SLC7A7: variants seen among roughly 807,000 people sequenced by gnomAD.
The protein encoded by SLC7A7 is solute carrier family 7 member 7, also known as Y+L amino acid transporter 1.
A neutral mutation model predicts 47.9 loss-of-function variants in SLC7A7; 39 were observed. The ratio of observed to expected loss-of-function variants is 0.81; its 90% confidence interval spans 0.63 to 1.06. SLC7A7 has a LOEUF of 1.06. SLC7A7 is among the 50% of genes least tolerant of loss of function. The pLI is 0.00. For missense variants in SLC7A7, 588 were observed against 632.0 expected, an observed-to-expected ratio of 0.93 and a Z score of 0.75; for synonymous variants, 234 against 242.8, an observed-to-expected ratio of 0.96 and a Z score of 0.34.
rs17277865 is a variant in SLC7A7 at position 22,776,465 on chromosome 14, C to G, written c.771-147G>C. 4 of 1,026,778 alleles carry G rather than the reference C, an allele frequency of 3.9e-6. No individual in the cohort carries two copies. In the African/African-American group the frequency reaches 6.3e-5, roughly 16 times the overall value. The allele number at this position is 1,026,778 out of a possible 1,614,324, so 63.6% of individuals were successfully genotyped here. A position where few individuals can be genotyped will look rare whatever the true frequency, so the allele number is the denominator to read the frequency against. ...CTCAATGCATTTGTCTTTGACGGTGCCCTGGATAGTGGCTGAAGCTCTGAA... is the reference window on the plus strand; with the variant it reads ...CTCAATGCATTTGTCTTTGACGGTGGCCTGGATAGTGGCTGAAGCTCTGAA... On this transcript the variant is annotated intron_variant, in intron 4 of 9. Coordinates refer to ENST00000674313, the MANE Select transcript of SLC7A7 (RefSeq NM_003982.4).
chr14:22,804,077 G>A (rs12146987), intron 2 of SLC7A7, among the ~76,000 whole-genome samples: 30,372 of 151,968 alleles, frequency 0.2, 3,508 homozygotes, highest in African/African-American at 0.31. Context: ...ACACCTTCTG[G>A]TCATTAGAAA....
chr14:22,809,176 G>C (rs1417919899), intron 2 of SLC7A7, among the ~76,000 whole-genome samples: 2 of 151,934 alleles, frequency 1.3e-5, no homozygotes, highest in African/African-American at 2.4e-5. Context: ...TATTCTTTTT[G>C]TTTTGTTTTG....
At chr14:22,795,766 C>T (rs1179912503) in intron 2 of SLC7A7, among the ~76,000 whole-genome samples, 1 of 152,132 alleles carries the variant, frequency 6.6e-6, no homozygotes, top group Non-Finnish European at 1.5e-5. Context: ...AGCCACCGTG[C>T]CCGGCCTTGT....
At chr14:22,818,005 T>A (rs754437194), upstream of SLC7A7, among the ~76,000 whole-genome samples, 17 of 150,962 alleles carry the variant, frequency 1.1e-4, no homozygotes, top group Non-Finnish European at 1.8e-4. Context: ...ATTGCTAGGG[T>A]GCCCACTTCT....
chr14:22,808,680 G>A (rs7148931), intron 2 of SLC7A7, among the ~76,000 whole-genome samples: 4,821 of 152,282 alleles, frequency 0.032, 267 homozygotes, highest in African/African-American at 0.11. Context: ...AACAGTGGCT[G>A]AAGGAATAAA....
At chr14:22,818,663 C>T (rs2039439048), upstream of SLC7A7, among the ~76,000 whole-genome samples, 1 of 147,722 alleles carries the variant, frequency 6.8e-6, no homozygotes, top group Admixed American at 6.9e-5. Context: ...AGTGCAGTGG[C>T]ACAATCTCTG....
At chr14:22,779,884 A>G (rs2038684867) in intron 3 of SLC7A7, 42 bp downstream of exon 3, 1 of 1,596,654 alleles carries the variant, frequency 6.3e-7, no homozygotes, top group South Asian at 1.1e-5. Context: ...GCTCACAGAA[A>G]ATGCTTAAAA....
intron 1 of SLC7A7, 91 bp downstream of exon 1, chr14:22,815,229 C>A: frequency 7.7e-6 from 3 of 388,170 alleles, no homozygotes; most frequent in South Asian, 3.8e-5. Flanking sequence ...GAGAGGCACT[C>A]GGGAGAAGAA....
intron 2 of SLC7A7, among the ~76,000 whole-genome samples, chr14:22,787,434 T>G (rs892622094): frequency 2.2e-5 from 2 of 91,798 alleles, no homozygotes; most frequent in Non-Finnish European, 4.7e-5. Flanking sequence ...AGACTCCGTC[T>G]CAAAATAAAT....
intron 2 of SLC7A7, among the ~76,000 whole-genome samples, chr14:22,795,016 C>T (rs1180670486): frequency 6.6e-6 from 1 of 152,060 alleles, no homozygotes; most frequent in Non-Finnish European, 1.5e-5. Flanking sequence ...ATTCTTCTCC[C>T]CAGTGGTTCA....
At chr14:22,781,141 G>A (rs562871056) in intron 2 of SLC7A7, among the ~76,000 whole-genome samples, 1 of 148,408 alleles carries the variant, frequency 6.7e-6, no homozygotes, top group South Asian at 2.1e-4. Flanking sequence ...TCTCCCAAGG[G>A]CTCCAAGGGC....
chr14:22,797,689 CAG>C (rs1371940412), intron 2 of SLC7A7, among the ~76,000 whole-genome samples: 1 of 152,096 alleles, frequency 6.6e-6, no homozygotes, highest in African/African-American at 2.4e-5. Flanking sequence ...ATATTCCTGA[CAG>C]AGAGGGCAAA....
intron 2 of SLC7A7, among the ~76,000 whole-genome samples, chr14:22,798,077 C>A (rs1180282541): frequency 6.6e-6 from 1 of 152,122 alleles, no homozygotes; most frequent in Admixed American, 6.6e-5. Flanking sequence ...AGGTAGATCA[C>A]CTGAGGTCAG....
At chr14:22,776,871 AG>A (rs1248165467) in intron 4 of SLC7A7, among the ~76,000 whole-genome samples, 3 of 152,104 alleles carry the variant, frequency 2.0e-5, no homozygotes, top group African/African-American at 7.2e-5. Context: ...CAGGAGGCTG[AG>A]GTACGAGAAT....
intron 2 of SLC7A7, among the ~76,000 whole-genome samples, chr14:22,783,534 A>G (rs1478304023): frequency 1.3e-5 from 2 of 151,794 alleles, no homozygotes; most frequent in South Asian, 2.1e-4. Context: ...CCGAGTAGCT[A>G]GAATTACAGA....
intron 2 of SLC7A7, among the ~76,000 whole-genome samples, chr14:22,782,645 A>C (rs182827354): frequency 2.4e-4 from 37 of 151,200 alleles, no homozygotes; most frequent in Admixed American, 6.6e-4. Flanking sequence ...TATTTTTAGT[A>C]GAGATGGGGT....
At chr14:22,816,864 G>C (rs1009562826), upstream of SLC7A7, among the ~76,000 whole-genome samples, 3 of 151,868 alleles carry the variant, frequency 2.0e-5, no homozygotes, top group African/African-American at 7.3e-5. Context: ...TCTGGTGTGA[G>C]CGTTCCCAGA....
chr14:22,795,404 T>C (rs1168425797), intron 2 of SLC7A7, among the ~76,000 whole-genome samples: 5 of 96,370 alleles, frequency 5.2e-5, no homozygotes, highest in Admixed American at 9.8e-5. Flanking sequence ...CTTTCTTTCT[T>C]TCTTTCTTTC....
At chr14:22,809,336 A>G (rs4982678) in intron 2 of SLC7A7, among the ~76,000 whole-genome samples, 144,876 of 146,582 alleles carry the variant, frequency 0.99, 71,604 homozygotes, top group Middle Eastern at 1. Flanking sequence ...CCACCACCAC[A>G]CCCAGCTTTT....
Sources: gnomAD v4.1 joint callset for allele counts (sites outside exome capture counted in the v4.1 genomes callset) on GRCh38, gnomAD v4.1.1 for gene constraint, MANE v1.5 for transcripts, NCBI Gene and HGNC (gene_info 2026-07-23, HGNC 2026-07-21) for gene names.